CBFA2T2: variants seen among roughly 807,000 people sequenced by gnomAD.
CBFA2T2 encodes CBFA2/RUNX1 partner transcriptional co-repressor 2, also known as protein CBFA2T2.
Under a neutral mutation model 62.2 loss-of-function variants are expected in CBFA2T2, and 11 were observed. The ratio of observed to expected loss-of-function variants is 0.18; its 90% confidence interval spans 0.11 to 0.29. The LOEUF (loss-of-function observed/expected upper bound fraction) is 0.29, where lower values mean the gene tolerates loss of function less well. CBFA2T2 is among the 10% of genes least tolerant of loss of function. CBFA2T2 has a pLI of 1.00. For missense variants in CBFA2T2, 592 were observed against 774.1 expected (o/e 0.76, Z 2.79); for synonymous variants, 295 against 287.5 (o/e 1.03, Z -0.27).
intron 1 of CBFA2T2, among the ~76,000 whole-genome samples, chr20:33,574,607 G>A (rs534779602): frequency 5.5e-4 from 84 of 152,298 alleles, no homozygotes; most frequent in Non-Finnish European, 1.0e-3. Context: ...CCTGGGAAAC[G>A]AGTGAAACTC....
chr20:33,620,377 C>T (rs747404285), intron 4 of CBFA2T2, among the ~76,000 whole-genome samples: 2 of 151,840 alleles, frequency 1.3e-5, no homozygotes, highest in Admixed American at 1.3e-4. Context: ...AATAGCCAGG[C>T]GCTTGTAGTC....
At chr20:33,640,876 G>A (rs1050380063) in intron 10 of CBFA2T2, among the ~76,000 whole-genome samples, 4 of 152,100 alleles carry the variant, frequency 2.6e-5, no homozygotes, top group African/African-American at 2.4e-5. Flanking sequence ...GGCTTACTGT[G>A]TGCCAGACAC....
intron 1 of CBFA2T2, among the ~76,000 whole-genome samples, chr20:33,544,913 A>C (rs1453299504): frequency 6.6e-6 from 1 of 151,726 alleles, no homozygotes; most frequent in African/African-American, 2.4e-5. Flanking sequence ...CACAATAAAT[A>C]TTTGTTGCAT....
chr20:33,550,339 C>T (rs987246127), intron 1 of CBFA2T2, among the ~76,000 whole-genome samples: 5 of 152,316 alleles, frequency 3.3e-5, no homozygotes, highest in African/African-American at 1.2e-4. Flanking sequence ...GAATACATCA[C>T]ATTTAATAGA....
chr20:33,516,900 T>C (rs992018274), intron 1 of CBFA2T2, among the ~76,000 whole-genome samples: 2 of 152,266 alleles, frequency 1.3e-5, no homozygotes, highest in Non-Finnish European at 2.9e-5. Flanking sequence ...TTATCTCTTC[T>C]GTTGTTTTAA....
chr20:33,491,819 A>T (rs2011148706), intron 1 of CBFA2T2, among the ~76,000 whole-genome samples: 1 of 151,694 alleles, frequency 6.6e-6, no homozygotes, highest in Non-Finnish European at 1.5e-5. Flanking sequence ...CTCCTGTCTC[A>T]GCCTCCGGAG....
rs377467772 is a variant in CBFA2T2 at position 33,649,727 on chromosome 20, C to G, written c.*5081C>G. On this transcript the variant is annotated 3_prime_UTR_variant, in exon 11 of 11. Transcript: ENST00000342704. ...GCCAAGAGGCCTTCAGTCCCCTTAACGTGGCTTTCCAACTTCCTGACGAGG... is the reference window on the plus strand; with the variant it reads ...GCCAAGAGGCCTTCAGTCCCCTTAAGGTGGCTTTCCAACTTCCTGACGAGG... 4 of 152,580 alleles carry G rather than the reference C, an allele frequency of 2.6e-5. 1 individual carries two copies. The highest frequency in any genetic ancestry group is 2.6e-4 in the Admixed American group (4 of 15,310). The allele number at this position is 152,580 out of a possible 1,614,324, so 9.5% of individuals were successfully genotyped here. A position where few individuals can be genotyped will look rare whatever the true frequency, so the allele number is the denominator to read the frequency against.
intron 1 of CBFA2T2, among the ~76,000 whole-genome samples, chr20:33,577,304 A>G (rs143597415): frequency 1.4e-3 from 211 of 152,318 alleles, no homozygotes; most frequent in African/African-American, 4.8e-3. Flanking sequence ...TTGAGGAGGT[A>G]TACCAAGAAG....
intron 2 of CBFA2T2, among the ~76,000 whole-genome samples, chr20:33,607,616 T>G (rs905222386): frequency 3.6e-4 from 55 of 152,272 alleles, no homozygotes; most frequent in African/African-American, 1.2e-3. Flanking sequence ...GCAGGTTTGG[T>G]TTTACCTGGG....
At chr20:33,510,931 T>G (rs745861638) in intron 1 of CBFA2T2, among the ~76,000 whole-genome samples, 8 of 152,256 alleles carry the variant, frequency 5.3e-5, no homozygotes, top group Non-Finnish European at 8.8e-5. Flanking sequence ...CATAAATGTC[T>G]TCTTTTGAGA....
chr20:33,497,063 C>T (rs1261960412), intron 1 of CBFA2T2, among the ~76,000 whole-genome samples: 1 of 151,940 alleles, frequency 6.6e-6, no homozygotes, highest in African/African-American at 2.4e-5. Flanking sequence ...CACCTGAGGT[C>T]GGGAGTTTGA....
intron 1 of CBFA2T2, among the ~76,000 whole-genome samples, chr20:33,592,074 C>T (rs932446242): frequency 2.0e-5 from 3 of 151,902 alleles, no homozygotes; most frequent in East Asian, 1.9e-4. Flanking sequence ...ATGAAAAAAA[C>T]GACATAGGCC....
intron 1 of CBFA2T2, among the ~76,000 whole-genome samples, chr20:33,536,532 C>T (rs1293239835): frequency 6.6e-6 from 1 of 151,968 alleles, no homozygotes; most frequent in South Asian, 2.1e-4. Flanking sequence ...CTCCTCACTT[C>T]CCAGACGGGG....
chr20:33,587,916 G>A (rs921865890), intron 1 of CBFA2T2, among the ~76,000 whole-genome samples: 2 of 152,170 alleles, frequency 1.3e-5, no homozygotes, highest in South Asian at 2.1e-4. Context: ...TTTCATTCAA[G>A]TAGTTGAAAT....
At chr20:33,575,748 A>G (rs1045029434) in intron 1 of CBFA2T2, among the ~76,000 whole-genome samples, 16 of 152,140 alleles carry the variant, frequency 1.1e-4, no homozygotes, top group East Asian at 3.9e-4. Flanking sequence ...CTGTGGCACA[A>G]TATGACAAAT....
chr20:33,529,400 T>G (rs1287217363), intron 1 of CBFA2T2, among the ~76,000 whole-genome samples: 2 of 152,146 alleles, frequency 1.3e-5, no homozygotes, highest in African/African-American at 2.4e-5. Flanking sequence ...CAAGCCTCTT[T>G]CAACTCTGGT....
At chr20:33,627,400 G>T (rs569951160) in intron 6 of CBFA2T2, among the ~76,000 whole-genome samples, 1 of 151,882 alleles carries the variant, frequency 6.6e-6, no homozygotes. Flanking sequence ...CGTCAAGGGG[G>T]GGGAAAAAAA....
chr20:33,490,375 G>A, intron 1 of CBFA2T2, 74 bp downstream of exon 1: 2 of 1,216,798 alleles, frequency 1.6e-6, no homozygotes, highest in Non-Finnish European at 1.0e-6. Flanking sequence ...CGGTGATTCC[G>A]AGTGCCCCGG....
At chr20:33,515,408 G>A (rs761472679) in intron 1 of CBFA2T2, among the ~76,000 whole-genome samples, 7 of 150,036 alleles carry the variant, frequency 4.7e-5, no homozygotes, top group Non-Finnish European at 7.4e-5. Flanking sequence ...GACGGAAAAC[G>A]TGTCCTTGGC....
Sources: gnomAD v4.1 joint callset for allele counts (sites outside exome capture counted in the v4.1 genomes callset) on GRCh38, gnomAD v4.1.1 for gene constraint, MANE v1.5 for transcripts, NCBI Gene and HGNC (gene_info 2026-07-23, HGNC 2026-07-21) for gene names.